REC114: variants seen among roughly 807,000 people sequenced by gnomAD.
The protein encoded by REC114 is meiotic recombination protein REC114.
REC114 carries 27 observed loss-of-function variants against 31.3 expected under a neutral mutation model. The observed-to-expected ratio is 0.86, with a 90% confidence interval of 0.64 to 1.19. The LOEUF (loss-of-function observed/expected upper bound fraction) is 1.19, where lower values mean the gene tolerates loss of function less well. REC114 is among the 50% of genes most tolerant of loss of function. The pLI is 0.00. For missense variants in REC114, 344 were observed against 326.9 expected, an observed-to-expected ratio of 1.05 and a Z score of -0.40; for synonymous variants, 134 against 127.7, an observed-to-expected ratio of 1.05 and a Z score of -0.33.
chr15:73,516,085 C>G (rs1350959275), intron 2 of REC114, among the ~76,000 whole-genome samples: 1 of 151,578 alleles, frequency 6.6e-6, no homozygotes, highest in Admixed American at 6.6e-5. Context: ...CTCCCAGGTT[C>G]AAGTGATTCT....
chr15:73,545,924 C>A (rs1669517487), intron 3 of REC114, among the ~76,000 whole-genome samples: 2 of 152,126 alleles, frequency 1.3e-5, no homozygotes, highest in Non-Finnish European at 2.9e-5. Context: ...AGCTAAATAA[C>A]TGTAAACAAG....
intron 4 of REC114, among the ~76,000 whole-genome samples, chr15:73,554,334 C>T (rs560969476): frequency 2.0e-5 from 3 of 152,254 alleles, no homozygotes; most frequent in Middle Eastern, 3.4e-3. Flanking sequence ...TCTCAGAATC[C>T]GTCTTAAGCG....
intron 5 of REC114, among the ~76,000 whole-genome samples, chr15:73,556,974 C>T (rs1265447472): frequency 2.0e-5 from 3 of 151,994 alleles, no homozygotes; most frequent in Admixed American, 1.3e-4. Context: ...TTGTCTCCCC[C>T]TCACTGCATT....
intron 2 of REC114, among the ~76,000 whole-genome samples, chr15:73,482,605 A>G (rs547744618): frequency 6.6e-6 from 1 of 152,322 alleles, no homozygotes; most frequent in Non-Finnish European, 1.5e-5. Flanking sequence ...AGTATTTGTC[A>G]TTTTGGACTG....
intron 1 of REC114, among the ~76,000 whole-genome samples, chr15:73,451,978 G>A (rs912050684): frequency 6.6e-6 from 1 of 152,266 alleles, no homozygotes; most frequent in South Asian, 2.1e-4. Flanking sequence ...TTGATAGACT[G>A]TATCTCCAAA....
At chr15:73,443,707 A>T (rs1892729066) in intron 1 of REC114, among the ~76,000 whole-genome samples, 2 of 152,166 alleles carry the variant, frequency 1.3e-5, no homozygotes, top group Admixed American at 6.5e-5. Context: ...AGTTTAGTGG[A>T]GGATATACTA....
At chr15:73,530,820 A>G (rs2141324558) in intron 2 of REC114, among the ~76,000 whole-genome samples, 1 of 152,008 alleles carries the variant, frequency 6.6e-6, no homozygotes, top group South Asian at 2.1e-4. Context: ...CAGAAACACA[A>G]CCCTGAAGCT....
Position 73,457,340 on chromosome 15 carries a change from G to A in REC114, c.159+13996G>A, listed in dbSNP as rs547190242. ...CCCCACCCTCTGGCAGTTTCCTTAC[G>A]CATATATATATGTTGATCAGTACTC... On this transcript the variant is annotated intron_variant, in intron 1 of 5. Coordinates refer to ENST00000331090, the MANE Select transcript of REC114 (RefSeq NM_001042367.2). 7.9e-5 allele frequency among the ~76,000 whole-genome samples: 12 copies of A among 152,138 alleles called. No individual in the cohort carries two copies. The South Asian group carries it at 2.1e-3, about 26-fold the overall frequency.
chr15:73,445,637 A>G (rs567174336), intron 1 of REC114, among the ~76,000 whole-genome samples: 1 of 152,280 alleles, frequency 6.6e-6, no homozygotes, highest in Non-Finnish European at 1.5e-5. Context: ...TTGTAGGGTT[A>G]TTAGTTGGCT....
At chr15:73,500,503 A>G (rs1369605527) in intron 2 of REC114, among the ~76,000 whole-genome samples, 1 of 152,198 alleles carries the variant, frequency 6.6e-6, no homozygotes, top group East Asian at 1.9e-4. Context: ...CTTTGGCAGC[A>G]GGTGAGATGG....
intron 2 of REC114, among the ~76,000 whole-genome samples, chr15:73,519,052 G>A (rs980273592): frequency 2.6e-5 from 4 of 152,294 alleles, no homozygotes; most frequent in Non-Finnish European, 5.9e-5. Context: ...ACACCCATTA[G>A]GATGGCTGCT....
chr15:73,505,962 G>A (rs915308264), intron 2 of REC114, among the ~76,000 whole-genome samples: 3 of 152,072 alleles, frequency 2.0e-5, no homozygotes, highest in Non-Finnish European at 4.4e-5. Context: ...CTAATGGAGC[G>A]GTTGAAGAGG....
chr15:73,517,401 A>G (rs1893872872), intron 2 of REC114, among the ~76,000 whole-genome samples: 1 of 152,218 alleles, frequency 6.6e-6, no homozygotes, highest in Admixed American at 6.5e-5. Context: ...CATGAAGCCT[A>G]CTTAGGAGGC....
At position 73,443,263 on chromosome 15, in the gene REC114, C is replaced by T. The variant is rs1401222236; in HGVS notation, c.78C>T (p.Tyr26=). Residue 26 remains tyrosine, a synonymous_variant, in exon 1 of 6, where the codon TAC becomes TAT. Coordinates refer to ENST00000331090, the MANE Select transcript of REC114 (RefSeq NM_001042367.2). ...GEAAEWPLQR[Y]ARCIPSNTRD... ...CGGCAGAGTGGCCTCTGCAGCGGTA[C>T]GCCCGCTGCATACCCTCAAACACCA... is the stretch of plus-strand genomic sequence containing the variant. The T allele has an allele frequency of 7.0e-6, 11 of 1,574,670 alleles. No individual in the cohort carries two copies. Among genetic ancestry groups the T allele is most frequent in the East Asian group, 2.4e-5 (1 of 42,482 alleles).
At chr15:73,476,081 G>A (rs918864106) in intron 2 of REC114, among the ~76,000 whole-genome samples, 4 of 152,138 alleles carry the variant, frequency 2.6e-5, no homozygotes, top group Non-Finnish European at 4.4e-5. Flanking sequence ...CTGTACCATC[G>A]AGGTTTGCAT....
chr15:73,559,699 C>T (rs999921144), intron 5 of REC114, 53 bp from the exon 6 acceptor site: 2 of 1,444,702 alleles, frequency 1.4e-6, no homozygotes, highest in South Asian at 1.5e-5. Flanking sequence ...GTTCTATTAG[C>T]CAGGTATTGC....
At chr15:73,514,742 A>G (rs527321644) in intron 2 of REC114, among the ~76,000 whole-genome samples, 1 of 152,252 alleles carries the variant, frequency 6.6e-6, no homozygotes, top group East Asian at 1.9e-4. Context: ...TTAAGACAGC[A>G]AAATTCAGAA....
intron 2 of REC114, among the ~76,000 whole-genome samples, chr15:73,519,840 G>A (rs1489709473): frequency 2.6e-5 from 4 of 152,136 alleles, no homozygotes; most frequent in African/African-American, 7.2e-5. Context: ...TGAGCCTTGA[G>A]GACATTACGC....
At chr15:73,486,445 C>T (rs891903731) in intron 2 of REC114, among the ~76,000 whole-genome samples, 3 of 152,098 alleles carry the variant, frequency 2.0e-5, no homozygotes, top group African/African-American at 7.2e-5. Flanking sequence ...TGGGAATCTG[C>T]GATGTGAAAA....
Sources: allele counts gnomAD v4.1 joint callset (sites outside exome capture counted in the v4.1 genomes callset), GRCh38; gene constraint gnomAD v4.1.1; transcripts MANE v1.5; gene names NCBI Gene and HGNC (gene_info 2026-07-23, HGNC 2026-07-21).